Variants in ACYP2 observed in about 807,000 individuals in gnomAD.
ACYP2 encodes the protein acylphosphatase 2.
Under a neutral mutation model 11.2 loss-of-function variants are expected in ACYP2, and 12 were observed. The observed-to-expected ratio is 1.08, with a 90% CI of 0.69 to 1.74. The LOEUF (loss-of-function observed/expected upper bound fraction) is 1.74, where lower values mean the gene tolerates loss of function less well. ACYP2 is among the 40% of genes most tolerant of loss of function. ACYP2 has a pLI of 0.00. For synonymous variants in ACYP2, 43 were observed against 32.2 expected, an observed-to-expected ratio of 1.33 and a Z score of -1.13; for missense variants, 134 against 101.9, an observed-to-expected ratio of 1.31 and a Z score of -1.35.
chr2:54,053,504 G>C (rs1442304084), intron 3 of ACYP2, among the ~76,000 whole-genome samples: 1 of 152,100 alleles, frequency 6.6e-6, no homozygotes, highest in Admixed American at 6.5e-5. Context: ...TGTGTTCCAG[G>C]CCTCACACCT....
chr2:53,985,309 C>T (rs6723722), intron 2 of ACYP2, among the ~76,000 whole-genome samples: 15,650 of 152,010 alleles, frequency 0.1, 1,192 homozygotes, highest in African/African-American at 0.21. Context: ...CCTTGTGATC[C>T]GCCTGCCTCA....
In ACYP2 at chr2:54,304,822, C is replaced by CAATAGATACTGAACACTGAACACTGA; in HGVS notation, c.*21_*22insATAGATACTGAACACTGAACACTGAA. On this transcript the variant is annotated 3_prime_UTR_variant, in exon 7 of 7. Coordinates refer to ENST00000607452, the MANE Select transcript of ACYP2 (RefSeq NM_001320586.2). ...TACTAATAGAAGAGAAAAATTGTAA[C>CAATAGATACTGAACACTGAACACTGA]ACACTGAACAATAGATACTGTATGT... is the stretch of plus-strand genomic sequence containing the variant. 7.4e-7 allele frequency: 1 copy of CAATAGATACTGAACACTGAACACTGA among 1,345,432 alleles called. No homozygotes were observed. Among genetic ancestry groups the CAATAGATACTGAACACTGAACACTGA allele is most frequent in the Non-Finnish European group, 1.1e-6 (1 of 943,108 alleles). 83.3% of individuals were successfully genotyped at this position (1,345,432 alleles called of 1,614,324 possible).
At chr2:54,177,909 T>TA (rs1304182771) in intron 6 of ACYP2, among the ~76,000 whole-genome samples, 4 of 142,694 alleles carry the variant, frequency 2.8e-5, no homozygotes, top group Non-Finnish European at 6.0e-5. Context: ...TTCTTTATTT[T>TA]TTTTTTTTTT....
chr2:54,122,592 C>A lies in ACYP2; in HGVS notation c.278-12861C>A, dbSNP rs201973249. Among the ~76,000 whole-genome samples, 15 of 152,350 alleles carry A rather than the reference C, an allele frequency of 9.8e-5. No individual in the cohort carries two copies. The East Asian group carries it at 2.9e-3, about 29-fold the overall frequency. ...CCCAAGAGGGCTGTGTTCCAGCCAA[C>A]ACTGATAAAGTGCAGAAAAATGTCT... On this transcript the variant is annotated intron_variant, in intron 4 of 6. Coordinates refer to ENST00000607452, the MANE Select transcript of ACYP2 (RefSeq NM_001320586.2).
At chr2:54,074,208 G>C (rs1677208204) in intron 4 of ACYP2, among the ~76,000 whole-genome samples, 1 of 152,176 alleles carries the variant, frequency 6.6e-6, no homozygotes, top group Non-Finnish European at 1.5e-5. Flanking sequence ...AGCTGGGTTT[G>C]GTGGTGTGCA....
intron 6 of ACYP2, among the ~76,000 whole-genome samples, chr2:54,184,855 T>C (rs1683901568): frequency 1.3e-5 from 2 of 150,706 alleles, no homozygotes; most frequent in South Asian, 2.1e-4. Flanking sequence ...ATTTTTTTTT[T>C]TTTTTTTGGA....
intron 4 of ACYP2, among the ~76,000 whole-genome samples, chr2:54,130,920 CA>C (rs1680864426): frequency 6.6e-6 from 1 of 152,158 alleles, no homozygotes; most frequent in South Asian, 2.1e-4. Flanking sequence ...TAAAATCACC[CA>C]AGAGTGATTG....
intron 2 of ACYP2, among the ~76,000 whole-genome samples, chr2:54,028,865 C>A (rs540974599): frequency 1.4e-4 from 22 of 152,264 alleles, no homozygotes; most frequent in Admixed American, 1.2e-3. Flanking sequence ...ACACCATTTC[C>A]CCTATTAATC....
chr2:54,081,042 C>T (rs1677618980), intron 4 of ACYP2, among the ~76,000 whole-genome samples: 1 of 152,152 alleles, frequency 6.6e-6, no homozygotes, highest in Non-Finnish European at 1.5e-5. Flanking sequence ...GATTTCAGGA[C>T]ATTTCAAATT....
At chr2:54,172,576 A>G (rs2103852391) in intron 6 of ACYP2, among the ~76,000 whole-genome samples, 1 of 152,330 alleles carries the variant, frequency 6.6e-6, no homozygotes, top group Non-Finnish European at 1.5e-5. Flanking sequence ...AGTAGAATAA[A>G]TTGAACTCTA....
chr2:53,976,884 T>G lies in ACYP2; in HGVS notation c.62+3074T>G, dbSNP rs369630497. On this transcript the variant is annotated intron_variant, in intron 2 of 6. Coordinates refer to ENST00000607452, the MANE Select transcript of ACYP2 (RefSeq NM_001320586.2). ...CATTTCACTAAAATGTAGCCAGATG[T>G]GGGCTTCTTTTTGTTTATTTTTGGG... is the stretch of plus-strand genomic sequence containing the variant. Among the ~76,000 whole-genome samples, 427 of 152,326 alleles carry G rather than the reference T, an allele frequency of 2.8e-3. 1 individual carries two copies. Among genetic ancestry groups the G allele is most frequent in the South Asian group, 8.9e-3 (43 of 4,830 alleles).
intron 6 of ACYP2, chr2:54,255,676 G>T: frequency 6.2e-7 from 1 of 1,613,866 alleles, no homozygotes; most frequent in Middle Eastern, 1.6e-4. Context: ...CACTGGGGCT[G>T]AGAACATGGC....
chr2:54,013,455 C>G (rs1323710895), intron 2 of ACYP2, among the ~76,000 whole-genome samples: 1 of 151,848 alleles, frequency 6.6e-6, no homozygotes, highest in African/African-American at 2.4e-5. Context: ...CATGCACTAC[C>G]ATGCCCAGCT....
intron 6 of ACYP2, among the ~76,000 whole-genome samples, chr2:54,169,018 T>C (rs1469266192): frequency 6.6e-6 from 1 of 152,234 alleles, no homozygotes; most frequent in African/African-American, 2.4e-5. Context: ...TTGGTTTTCC[T>C]GTCCAAAGAA....
Position 54,018,581 on chromosome 2 carries a change from G to A in ACYP2, c.63-32377G>A, listed in dbSNP as rs756461386. Reference sequence around the variant, plus strand: ...TAATCCCAGCACTTTGGGAGGCTGAGGTGGGAGAATCAGTTGAGGTTAAGA... The same window carrying A: ...TAATCCCAGCACTTTGGGAGGCTGAAGTGGGAGAATCAGTTGAGGTTAAGA... On this transcript the variant is annotated intron_variant, in intron 2 of 6. Coordinates refer to ENST00000607452, the MANE Select transcript of ACYP2 (RefSeq NM_001320586.2). Among the ~76,000 whole-genome samples the A allele has an allele frequency of 2.6e-5, 4 of 152,076 alleles. No homozygotes were observed. The South Asian group carries it at 6.2e-4, about 24-fold the overall frequency.
chr2:54,214,987 T>C (rs1183501467), intron 6 of ACYP2, among the ~76,000 whole-genome samples: 3 of 152,226 alleles, frequency 2.0e-5, no homozygotes, highest in Non-Finnish European at 2.9e-5. Context: ...GCTATATTAC[T>C]AGGTATTTTA....
chr2:54,028,536 T>C (rs563569285), intron 2 of ACYP2, among the ~76,000 whole-genome samples: 1 of 152,346 alleles, frequency 6.6e-6, no homozygotes, highest in African/African-American at 2.4e-5. Context: ...AAATAGTTAT[T>C]TCTGGTACCT....
At chr2:54,181,323 C>T (rs13392982) in intron 6 of ACYP2, among the ~76,000 whole-genome samples, 1,962 of 152,234 alleles carry the variant, frequency 0.013, 54 homozygotes, top group African/African-American at 0.045. Flanking sequence ...ATACAAACCT[C>T]ATTTTATGTG....
At chr2:54,272,768 CAATA>C (rs958773638) in intron 6 of ACYP2, among the ~76,000 whole-genome samples, 1 of 152,156 alleles carries the variant, frequency 6.6e-6, no homozygotes, top group African/African-American at 2.4e-5. Flanking sequence ...AACAAGTATT[CAATA>C]AATATTTGTT....
Sources: gnomAD v4.1 joint callset for allele counts (sites outside exome capture counted in the v4.1 genomes callset) on GRCh38, gnomAD v4.1.1 for gene constraint, MANE v1.5 for transcripts, NCBI Gene and HGNC (gene_info 2026-07-23, HGNC 2026-07-21) for gene names.